Variants in STX17 observed in about 807,000 individuals in gnomAD.
The protein encoded by STX17 is syntaxin-17.
Under a neutral mutation model 35.9 loss-of-function variants are expected in STX17, and 29 were observed. The observed-to-expected ratio is 0.81, with a 90% confidence interval of 0.60 to 1.10. The LOEUF is 1.10. STX17 is among the 50% of genes least tolerant of loss of function. The probability of loss-of-function intolerance (pLI) is 0.00; values close to 1 mark genes in which losing one functional copy is unlikely to be tolerated. For synonymous variants in STX17, 92 were observed against 118.3 expected (o/e 0.78, Z 1.44); for missense variants, 312 against 352.3 (o/e 0.89, Z 0.92).
chr9:99,919,546 AT>A (rs1334299591), intron 2 of STX17, among the ~76,000 whole-genome samples: 3 of 152,112 alleles, frequency 2.0e-5, no homozygotes, highest in Non-Finnish European at 4.4e-5. Flanking sequence ...AAAATGTTAA[AT>A]TTTTTTGTCA....
intron 3 of STX17, 83 bp from the exon 4 acceptor site, chr9:99,950,977 C>T (rs1829579465): frequency 1.7e-6 from 2 of 1,210,488 alleles, no homozygotes; most frequent in East Asian, 2.5e-5. Flanking sequence ...AATTTCCATC[C>T]ACAACTATTA....
At chr9:99,951,676 A>G (rs561795672) in intron 4 of STX17, among the ~76,000 whole-genome samples, 1 of 152,012 alleles carries the variant, frequency 6.6e-6, no homozygotes, top group African/African-American at 2.4e-5. Flanking sequence ...TGTTAGATCT[A>G]TCTTTCAGCC....
At chr9:99,947,202 A>C (rs1303356366) in intron 3 of STX17, among the ~76,000 whole-genome samples, 2 of 152,040 alleles carry the variant, frequency 1.3e-5, no homozygotes, top group South Asian at 2.1e-4. Context: ...TCTTTCTTGA[A>C]CTGGGCCTAA....
Position 99,910,333 on chromosome 9 carries a change from A to T in STX17, c.-63+3627A>T, listed in dbSNP as rs1179471034. ...CAAAGTAAAGCAATAATGAGACATCATTTTTTTCACCAATGACATGTCTAA... is the reference window on the plus strand; with the variant it reads ...CAAAGTAAAGCAATAATGAGACATCTTTTTTTTCACCAATGACATGTCTAA... On this transcript the variant is annotated intron_variant, in intron 1 of 7. Transcript: ENST00000259400. 2.0e-5 allele frequency among the ~76,000 whole-genome samples: 3 copies of T among 152,118 alleles called. No individual in the cohort carries two copies. In the East Asian group the frequency reaches 5.8e-4, roughly 29 times the overall value.
At chr9:99,906,735 G>C (rs1354537350) in intron 1 of STX17, 29 bp downstream of exon 1, 2 of 152,206 alleles carry the variant, frequency 1.3e-5, no homozygotes, top group South Asian at 4.1e-4. Flanking sequence ...GCCGCCTTTG[G>C]GGGCGTCGGG....
intron 2 of STX17, among the ~76,000 whole-genome samples, chr9:99,920,196 C>T (rs1828861036): frequency 6.6e-6 from 1 of 152,164 alleles, no homozygotes; most frequent in Non-Finnish European, 1.5e-5. Flanking sequence ...GAACAATAGA[C>T]ATATCCTGTA....
intron 6 of STX17, among the ~76,000 whole-genome samples, chr9:99,965,004 A>G (rs1413743530): frequency 2.0e-5 from 3 of 152,248 alleles, no homozygotes; most frequent in South Asian, 2.1e-4. Context: ...TGATCCCAGG[A>G]TAGGGGCTGT....
rs753123244 is a variant in STX17 at position 99,968,576 on chromosome 9, G to C, written c.812G>C (p.Gly271Ala). ...ALGGGVLGFTGGKLIQRKKQK... is the reference protein window; with the variant it reads ...ALGGGVLGFTAGKLIQRKKQK... ...GGTGGTGGGGTGTTGGGCTTCACAG[G>C]TGGAAAATTGATACAAAGAAAGAAA... Residue 271 changes from glycine (G) to alanine (A), a missense_variant, in exon 8 of 8, where the codon GGT (glycine) becomes GCT (alanine). Gly to Ala is a moderately conservative substitution (Grantham distance 60). Transcript: ENST00000259400. 1 of 1,613,976 alleles carries C rather than the reference G, an allele frequency of 6.2e-7. No homozygotes were observed. Among genetic ancestry groups the C allele is most frequent in the East Asian group, 2.2e-5 (1 of 44,878 alleles).
chr9:99,972,879 T>G lies in STX17; in HGVS notation c.*4206T>G, dbSNP rs1041410548. 6.6e-6 allele frequency among the ~76,000 whole-genome samples: 1 copy of G among 152,164 alleles called. No individual in the cohort carries two copies. The highest frequency in any genetic ancestry group is 2.4e-5 in the African/African-American group (1 of 41,436). On this transcript the variant is annotated 3_prime_UTR_variant, in exon 8 of 8. Coordinates refer to ENST00000259400, the MANE Select transcript of STX17 (RefSeq NM_017919.3). ...TCCTCGGAAATGAGGTGGTTTTTTT[T>G]GTTATTAAGTAGAACGTGGCTGTGG...
chr9:99,960,221 C>T, intron 6 of STX17, 66 bp downstream of exon 6: 1 of 1,455,932 alleles, frequency 6.9e-7, no homozygotes, highest in South Asian at 1.2e-5. Flanking sequence ...TTTATAATCA[C>T]TAGGCTTTTA....
intron 7 of STX17, 90 bp from the exon 8 acceptor site, chr9:99,968,344 A>G (rs1437884584): frequency 1.3e-5 from 19 of 1,464,300 alleles, no homozygotes; most frequent in Admixed American, 2.4e-5. Context: ...TTAAAGAGGC[A>G]TTGCCAGGAG....
Position 99,935,112 on chromosome 9 carries a change from C to T in STX17, c.189+6269C>T, listed in dbSNP as rs1423368240. On this transcript the variant is annotated intron_variant, in intron 3 of 7. Coordinates refer to ENST00000259400, the MANE Select transcript of STX17 (RefSeq NM_017919.3). ...TTGGAAAGCTGAAGCGGGCAGATCA[C>T]GAGGTCAGGAGATCGAGACCATCCT... 3.3e-5 allele frequency among the ~76,000 whole-genome samples: 5 copies of T among 151,948 alleles called. No individual in the cohort carries two copies. The East Asian group carries it at 7.7e-4, about 23-fold the overall frequency.
chr9:99,967,591 T>C (rs117850621), intron 6 of STX17, 62 bp from the exon 7 acceptor site: 124 of 1,457,854 alleles, frequency 8.5e-5, no homozygotes, highest in Non-Finnish European at 1.0e-4. Context: ...ATTAAAATAG[T>C]GTGTGTTGGC....
chr9:99,923,785 A>G lies in STX17; in HGVS notation c.124-4993A>G, dbSNP rs139255217. Among the ~76,000 whole-genome samples the G allele has an allele frequency of 1.3e-3, 199 of 152,262 alleles. 1 individual carries two copies. Among genetic ancestry groups the G allele is most frequent in the African/African-American group, 4.8e-3 (198 of 41,558 alleles). On this transcript the variant is annotated intron_variant, in intron 2 of 7. Transcript: ENST00000259400. ...CACGATCCCTTTTTGGGCTTGATTAATTTGCTGGGATGGCTCACAGAACTC... is the reference window on the plus strand; with the variant it reads ...CACGATCCCTTTTTGGGCTTGATTAGTTTGCTGGGATGGCTCACAGAACTC...
intron 4 of STX17, among the ~76,000 whole-genome samples, chr9:99,954,979 G>A (rs1230998636): frequency 6.6e-6 from 1 of 151,984 alleles, no homozygotes; most frequent in Non-Finnish European, 1.5e-5. Context: ...CAATCTTCTT[G>A]ATCTGAGAAA....
intron 1 of STX17, chr9:99,907,485 A>G (rs1312972858): frequency 6.6e-6 from 1 of 152,188 alleles, no homozygotes; most frequent in Non-Finnish European, 1.5e-5. Flanking sequence ...AAACATGAGT[A>G]TTATGGTACC....
At position 99,960,164 on chromosome 9, in the gene STX17, A is replaced by G. The variant is rs763009164; in HGVS notation, c.582+9A>G. ...TCTCTCTCCTAGTGAATGTAAGTAT[A>G]TAACTGTTTTGGATGCAGAATTGTT... On this transcript the variant is annotated intron_variant, in intron 6 of 7. Transcript: ENST00000259400. The G allele has an allele frequency of 2.5e-6, 4 of 1,612,900 alleles. No homozygotes were observed. Among genetic ancestry groups the G allele is most frequent in the East Asian group, 2.2e-5 (1 of 44,830 alleles).
chr9:99,907,522 A>G (rs1250378283), intron 1 of STX17: 3 of 152,212 alleles, frequency 2.0e-5, no homozygotes, highest in African/African-American at 4.8e-5. Context: ...TAAGCACTAC[A>G]TGATAAAGTT....
At chr9:99,960,284 T>C (rs1309156202) in intron 6 of STX17, 129 bp downstream of exon 6, 14 of 950,754 alleles carry the variant, frequency 1.5e-5, no homozygotes, top group Non-Finnish European at 1.9e-5. Context: ...AAGCCATAGA[T>C]AGAAGTTTAA....
Sources: allele counts gnomAD v4.1 joint callset (sites outside exome capture counted in the v4.1 genomes callset), GRCh38; gene constraint gnomAD v4.1.1; transcripts MANE v1.5; gene names NCBI Gene and HGNC (gene_info 2026-07-23, HGNC 2026-07-21).